Variants in ANK3 observed in about 807,000 individuals in gnomAD.
ANK3 encodes the protein ankyrin 3.
ANK3 carries 57 observed loss-of-function variants against 370.9 expected under a neutral mutation model. The observed-to-expected ratio is 0.15, with a 90% CI of 0.12 to 0.19. The LOEUF (loss-of-function observed/expected upper bound fraction) is 0.19, where lower values mean the gene tolerates loss of function less well. ANK3 is among the 10% of genes least tolerant of loss of function. ANK3 has a pLI of 1.00. For missense variants in ANK3, 4,439 were observed against 5,302.1 expected, an observed-to-expected ratio of 0.84 and a Z score of 5.06; for synonymous variants, 1,929 against 1,946.3, an observed-to-expected ratio of 0.99 and a Z score of 0.23.
In ANK3 at chr10:60,071,199, C is replaced by G. The variant is rs61732399; in HGVS notation, c.9682G>C (p.Val3228Leu). ...ACGTCATTAGGCATTTCACGCTCAA[C>G]TGCTGTTTCCTCCACTGTAGTCTGC... ...LKQTTVEETA[V>L]EREMPNDVSK... The change falls in exon 37 of 44, where the codon GTT becomes CTT. Residue 3228 changes from valine to leucine, a missense_variant. Val to Leu is a conservative substitution (Grantham distance 32). This residue lies in a region of ANK3 where 1,601 missense variants were observed against 1,731.7 expected (regional missense o/e 0.92). Transcript: ENST00000280772. 2.2e-3 allele frequency: 3,574 copies of G among 1,614,142 alleles called. 75 individuals carry two copies. In the African/African-American group the frequency reaches 0.041, roughly 19 times the overall value.
chr10:60,613,825 G>A (rs925946572), intron 2 of ANK3, among the ~76,000 whole-genome samples: 1 of 152,172 alleles, frequency 6.6e-6, no homozygotes. Flanking sequence ...TGTAATCCCA[G>A]CACTTTGGGA....
chr10:60,170,502 A>C (rs1304099097), intron 21 of ANK3, among the ~76,000 whole-genome samples: 1 of 152,214 alleles, frequency 6.6e-6, no homozygotes, highest in Non-Finnish European at 1.5e-5. Context: ...ACCAAATACC[A>C]CAATGCTGGG....
chr10:60,511,140 G>T (rs1305161383), intron 2 of ANK3, among the ~76,000 whole-genome samples: 2 of 152,134 alleles, frequency 1.3e-5, no homozygotes, highest in Non-Finnish European at 2.9e-5. Context: ...ACACCGGTAT[G>T]AAATTAAGCA....
intron 2 of ANK3, among the ~76,000 whole-genome samples, chr10:60,551,488 TACAA>T (rs1401240359): frequency 6.6e-6 from 1 of 152,200 alleles, no homozygotes; most frequent in African/African-American, 2.4e-5. Flanking sequence ...GATATGTATG[TACAA>T]ACAAACAATA....
At chr10:60,231,496 G>A (rs933324300) in intron 8 of ANK3, among the ~76,000 whole-genome samples, 1 of 152,168 alleles carries the variant, frequency 6.6e-6, no homozygotes, top group East Asian at 1.9e-4. Flanking sequence ...GAGGCAGATG[G>A]ATAGATAACG....
intron 2 of ANK3, among the ~76,000 whole-genome samples, chr10:60,395,093 C>A (rs549567427): frequency 6.6e-6 from 1 of 152,232 alleles, no homozygotes; most frequent in Non-Finnish European, 1.5e-5. Context: ...TACTAGAACA[C>A]ATGCAAGTGT....
Position 60,064,139 on chromosome 10 carries a change from A to G in ANK3, c.12451+18T>C, listed in dbSNP as rs763161209. On this transcript the variant is annotated intron_variant, in intron 39 of 43. Transcript: ENST00000280772. ...TTTATGCAGTTTTGAAAGTTAAAAT[A>G]ATATAATTTCGGCATACTTGTGGCA... 18 of 1,545,436 alleles carry G rather than the reference A, an allele frequency of 1.2e-5. No homozygotes were observed. Among genetic ancestry groups the G allele is most frequent in the Non-Finnish European group, 1.5e-5 (17 of 1,156,082 alleles).
intron 2 of ANK3, among the ~76,000 whole-genome samples, chr10:60,603,430 C>T (rs553923054): frequency 6.6e-6 from 1 of 152,142 alleles, no homozygotes; most frequent in Non-Finnish European, 1.5e-5. Context: ...AAGGATCTTC[C>T]TATAGTAGGC....
rs76746367 is a variant in ANK3, at chr10:60,577,885, G to C, written c.96+37301C>G. Among the ~76,000 whole-genome samples the C allele has an allele frequency of 7.2e-5, 11 of 152,252 alleles. No individual in the cohort carries two copies. The East Asian group carries it at 1.7e-3, about 24-fold the overall frequency. ...TTGGTACATCTTCTTACAGCAACTGGAAATTCAGATAGGTGTGGGGCATAA... is the reference window on the plus strand; with the variant it reads ...TTGGTACATCTTCTTACAGCAACTGCAAATTCAGATAGGTGTGGGGCATAA... On this transcript the variant is annotated intron_variant, in intron 2 of 43. Transcript: ENST00000373827.
chr10:60,678,518 T>C (rs138490571), intron 1 of ANK3, among the ~76,000 whole-genome samples: 1,784 of 152,294 alleles, frequency 0.012, 27 homozygotes, highest in Middle Eastern at 0.037. Flanking sequence ...TGACTTTATT[T>C]TCCTTGGAAT....
intron 2 of ANK3, among the ~76,000 whole-genome samples, chr10:60,561,834 A>G (rs758508368): frequency 6.6e-6 from 1 of 152,312 alleles, no homozygotes; most frequent in South Asian, 2.1e-4. Flanking sequence ...CTCAAGAGTC[A>G]TATCAGCCAG....
intron 2 of ANK3, among the ~76,000 whole-genome samples, chr10:60,590,754 C>T (rs1180052906): frequency 6.6e-6 from 1 of 152,202 alleles, no homozygotes; most frequent in Non-Finnish European, 1.5e-5. Flanking sequence ...TCACATGTTC[C>T]TGCATACTTT....
At position 60,287,618 on chromosome 10, in the gene ANK3, C is replaced by G. The variant is rs964136449; in HGVS notation, c.115-7979G>C. ...CATTATCATTTATTTCTTAAGTATT[C>G]AATCAAAACAGGAATCTCATTACAG... is the stretch of plus-strand genomic sequence containing the variant. On this transcript the variant is annotated intron_variant, in intron 1 of 43. Coordinates refer to ENST00000280772, the MANE Select transcript of ANK3 (RefSeq NM_020987.5). 8.5e-5 allele frequency among the ~76,000 whole-genome samples: 13 copies of G among 152,274 alleles called. 1 individual carries two copies. Among genetic ancestry groups the G allele is most frequent in the Middle Eastern group, 3.4e-3 (1 of 294 alleles).
chr10:60,389,365 A>G, intron 1 of ANK3, 60 bp downstream of exon 1: 1 of 1,495,040 alleles, frequency 6.7e-7, no homozygotes, highest in South Asian at 1.2e-5. Flanking sequence ...AACAGATGCC[A>G]GAGGGAGATT....
At chr10:60,644,932 T>C (rs1159895301) in intron 1 of ANK3, among the ~76,000 whole-genome samples, 1 of 145,674 alleles carries the variant, frequency 6.9e-6, no homozygotes, top group Non-Finnish European at 1.5e-5. Context: ...TCTTCCCTGA[T>C]GTTCAAATTT....
intron 2 of ANK3, among the ~76,000 whole-genome samples, chr10:60,577,371 T>C (rs953876378): frequency 6.6e-6 from 1 of 152,138 alleles, no homozygotes; most frequent in African/African-American, 2.4e-5. Context: ...ATGGTTTGGC[T>C]GTCTCCCCAC....
chr10:60,480,585 G>A (rs116593208), intron 2 of ANK3, among the ~76,000 whole-genome samples: 3,610 of 152,142 alleles, frequency 0.024, 149 homozygotes, highest in African/African-American at 0.082. Flanking sequence ...TATCTCTTAA[G>A]CACTTTGTTA....
At position 60,231,414 on chromosome 10, in the gene ANK3, G is replaced by A. The variant is rs567617045; in HGVS notation, c.897+3274C>T. Among the ~76,000 whole-genome samples, 57 of 152,256 alleles carry A rather than the reference G, an allele frequency of 3.7e-4. 2 individuals carry two copies. The highest frequency in any genetic ancestry group is 1.9e-4 in the Non-Finnish European group (13 of 68,004). On this transcript the variant is annotated intron_variant, in intron 8 of 43. Coordinates refer to ENST00000280772, the MANE Select transcript of ANK3 (RefSeq NM_020987.5). ...TGATGCTTTCCTGCCTCTAAAACACGGGGGATAAGTGTGTACCAGATCAGA... is the reference window on the plus strand; with the variant it reads ...TGATGCTTTCCTGCCTCTAAAACACAGGGGATAAGTGTGTACCAGATCAGA...
rs755310927 is a variant in ANK3, at chr10:60,181,387, C to T, written c.2126G>A (p.Arg709Gln). The T allele has an allele frequency of 8.7e-6, 14 of 1,614,062 alleles. No homozygotes were observed. In the Admixed American group the frequency reaches 1.0e-4, roughly 12 times the overall value. Residue 709 changes from arginine (R) to glutamine (Q), a missense_variant, in exon 18 of 44, where the codon CGA becomes CAA. Physicochemically the swap from Arg to Gln is conservative, Grantham distance 43. Around this residue, in one of 13 missense-constraint regions of ANK3, gnomAD observed 702 missense variants for 941.5 expected, o/e 0.75. Transcript: ENST00000280772. ...TPLHLAAQEDRVNVAEVLVNQ... is the reference protein window; with the variant it reads ...TPLHLAAQEDQVNVAEVLVNQ... ...TACGAGGACTTCTGCCACATTCACT[C>T]GATCTTCTTGAGCAGCCAAATGGAG...
Sources: allele counts gnomAD v4.1 joint callset (sites outside exome capture counted in the v4.1 genomes callset), GRCh38; gene constraint gnomAD v4.1.1; regional missense constraint gnomAD v4.1.1; transcripts MANE v1.5; gene names NCBI Gene and HGNC (gene_info 2026-07-23, HGNC 2026-07-21).